IKZF4: variants seen among roughly 807,000 people sequenced by gnomAD.
IKZF4 encodes the protein zinc finger protein Eos.
Under a neutral mutation model 47.7 loss-of-function variants are expected in IKZF4, and 11 were observed. That is an observed-to-expected ratio of 0.23 (90% CI 0.15 to 0.38). IKZF4 has a LOEUF of 0.38. IKZF4 is among the 10% of genes least tolerant of loss of function. The pLI is 1.00. For missense variants in IKZF4, 557 were observed against 784.9 expected (o/e 0.71, Z 3.47); for synonymous variants, 298 against 299.4 (o/e 1.00, Z 0.05).
At chr12:56,016,424 C>CTTT (rs1316176573), upstream of IKZF4, among the ~76,000 whole-genome samples, 2 of 132,896 alleles carry the variant, frequency 1.5e-5, no homozygotes, top group South Asian at 2.5e-4. Flanking sequence ...TTTTTCTTTT[C>CTTT]TTTTTTTTTT....
chr12:56,022,231 A>G (rs1893134667), intron 1 of IKZF4, among the ~76,000 whole-genome samples: 2 of 152,164 alleles, frequency 1.3e-5, no homozygotes, highest in African/African-American at 4.8e-5. Context: ...AGTGGAGGCT[A>G]GCCTCCTTTA....
intron 5 of IKZF4, among the ~76,000 whole-genome samples, chr12:56,028,225 G>A (rs1894335111): frequency 1.3e-5 from 2 of 152,092 alleles, no homozygotes; most frequent in South Asian, 4.1e-4. Context: ...AATGTTCTTG[G>A]CTGTTAACGG....
Position 56,026,890 on chromosome 12 carries a change from G to A in IKZF4, c.396G>A (p.Leu132=), listed in dbSNP as rs772190946. 1.2e-6 allele frequency: 2 copies of A among 1,613,606 alleles called. No individual in the cohort carries two copies. The highest frequency in any genetic ancestry group is 1.7e-6 in the Non-Finnish European group (2 of 1,179,738). The change falls in exon 4 of 8, where the codon TTG becomes TTA. Residue 132 remains leucine (L), a synonymous_variant. Coordinates refer to ENST00000547167, the MANE Select transcript of IKZF4 (RefSeq NM_022465.4). ...KDDSVIVEDS[L]SEPLGYCDGS... ...ACAGCGTGATTGTGGAAGATTCATT[G>A]TCTGAGCCCCTGGGCTACTGTGATG...
chr12:56,034,619 A>C lies in IKZF4; in HGVS notation c.1046A>C (p.Asn349Thr), dbSNP rs188283751. 1.8e-4 allele frequency: 296 copies of C among 1,613,838 alleles called. 1 individual carries two copies. In the African/African-American group the frequency reaches 3.8e-3, roughly 21 times the overall value. Residue 349 changes from asparagine (N) to threonine (T), a missense_variant, in exon 8 of 8, where the codon AAC (asparagine) becomes ACC (threonine). Coordinates refer to ENST00000547167, the MANE Select transcript of IKZF4 (RefSeq NM_022465.4). ...FSLSDLPYDV[N>T]SGGYEKDVEL... ...CTCTCAGACCTCCCCTATGATGTGAACTCGGGTGGCTATGAAAAGGATGTG... is the reference window on the plus strand; with the variant it reads ...CTCTCAGACCTCCCCTATGATGTGACCTCGGGTGGCTATGAAAAGGATGTG...
Position 56,035,347 on chromosome 12 carries a change from T to C in IKZF4, c.*16T>C, listed in dbSNP as rs1418607625. On this transcript the variant is annotated 3_prime_UTR_variant, in exon 8 of 8. Transcript: ENST00000547167. The surrounding 1 kb of genome is among the most constrained non-coding windows in gnomAD (Gnocchi z 6.1). ...GGTGGGCTAGCAACCTCTCCCTCTC[T>C]CCTCAGTCCACCACTCCACTGCCCT... The C allele has an allele frequency of 1.9e-6, 3 of 1,593,616 alleles. No homozygotes were observed. In the South Asian group the frequency reaches 3.5e-5, roughly 18 times the overall value.
intron 1 of IKZF4, among the ~76,000 whole-genome samples, chr12:56,007,928 C>T (rs1890904354): frequency 6.6e-6 from 1 of 151,486 alleles, no homozygotes; most frequent in Non-Finnish European, 1.5e-5. Flanking sequence ...CCCGAGGCCC[C>T]AGTATTAAGA....
upstream of IKZF4, among the ~76,000 whole-genome samples, chr12:56,017,782 C>T (rs1409362670): frequency 6.6e-6 from 1 of 152,158 alleles, no homozygotes; most frequent in Non-Finnish European, 1.5e-5. Flanking sequence ...CCTCGACCTC[C>T]AGGCTCAAGT....
chr12:56,025,175 AC>A lies in IKZF4; in HGVS notation c.286+19del. 6.5e-7 allele frequency: 1 copy of A among 1,537,898 alleles called. No individual in the cohort carries two copies. The highest frequency in any genetic ancestry group is 2.4e-5 in the East Asian group (1 of 42,488). ...CACTCAGTGGTAAGTGTAACCTCCT[AC>A]CACCTCCTGGCAGTAGGCACCCCCT... On this transcript the variant is annotated intron_variant, in intron 3 of 7. Transcript: ENST00000547167.
At chr12:56,017,775 C>T (rs554179595), upstream of IKZF4, among the ~76,000 whole-genome samples, 3 of 152,272 alleles carry the variant, frequency 2.0e-5, no homozygotes, top group South Asian at 4.1e-4. Flanking sequence ...ACTGCAGCCT[C>T]GACCTCCAGG....
rs778322454 is a variant in IKZF4, at chr12:56,025,088, C to T, written c.216C>T (p.Leu72=). 1.7e-5 allele frequency: 28 copies of T among 1,600,422 alleles called. No homozygotes were observed. Among genetic ancestry groups the T allele is most frequent in the East Asian group, 2.3e-5 (1 of 44,334 alleles). Residue 72 remains leucine (L), a synonymous_variant, in exon 3 of 8, where the codon CTC becomes CTT. Coordinates refer to ENST00000547167, the MANE Select transcript of IKZF4 (RefSeq NM_022465.4). ...SGDSSLEKEF[L]GAPVGPSVST... is the part of the protein sequence containing the mutation. ...ACTCATCTCTGGAGAAGGAGTTCCT[C>T]GGGGCCCCAGTGGGGCCCTCGGTGA...
At chr12:56,011,540 C>T (rs571101002) in intron 2 of IKZF4, 3 of 152,296 alleles carry the variant, frequency 2.0e-5, no homozygotes, top group East Asian at 3.8e-4. Flanking sequence ...AGCTCTTACC[C>T]CTTTTTATTT....
At chr12:56,018,005 G>C (rs1193739826), upstream of IKZF4, 61 of 535,156 alleles carry the variant, frequency 1.1e-4, no homozygotes, top group Admixed American at 1.8e-3. Context: ...TCTTCTTTAG[G>C]ATAGTATCAG....
At chr12:56,009,796 T>G (rs549437029) in intron 1 of IKZF4, among the ~76,000 whole-genome samples, 1 of 152,300 alleles carries the variant, frequency 6.6e-6, no homozygotes, top group African/African-American at 2.4e-5. Context: ...GGCAATCCCC[T>G]TCCTCTGAGT....
At chr12:56,007,714 G>C (rs1260613787) in exon 1 of IKZF4, 1 of 152,074 alleles carries the variant, frequency 6.6e-6, no homozygotes, top group African/African-American at 2.4e-5. Context: ...CACAGCCTGC[G>C]CGCGCGCGGA....
upstream of IKZF4, chr12:56,007,586 C>T: frequency 6.4e-6 from 1 of 156,968 alleles, no homozygotes; most frequent in Non-Finnish European, 1.4e-5. Context: ...TCCGGCCCGG[C>T]GACTGCCGCC....
intron 5 of IKZF4, chr12:56,029,915 C>A (rs1894637211): frequency 6.6e-6 from 1 of 152,094 alleles, no homozygotes. Flanking sequence ...ATGGCTTGGC[C>A]CCTAGAATTC....
Position 56,035,474 on chromosome 12 carries a change from T to A in IKZF4, c.*143T>A. 1 of 726,842 alleles carries A rather than the reference T, an allele frequency of 1.4e-6. No homozygotes were observed. The allele number at this position is 726,842 out of a possible 1,614,324, so 45.0% of individuals were successfully genotyped here. ...CCTCACACCTGACCCTGACCCCTCC[T>A]CACCTATTCTCTTCCTCTATCCTGA... On this transcript the variant is annotated 3_prime_UTR_variant, in exon 8 of 8. Transcript: ENST00000547167. The surrounding 1 kb of genome is among the most constrained non-coding windows in gnomAD (Gnocchi z 6.1).
chr12:56,008,304 A>T (rs1265299138), intron 1 of IKZF4, among the ~76,000 whole-genome samples: 3 of 152,100 alleles, frequency 2.0e-5, no homozygotes, highest in Non-Finnish European at 4.4e-5. Context: ...AGGCTGGGAA[A>T]GAAGAGATTC....
chr12:56,018,197 T>C, upstream of IKZF4: 1 of 1,288,746 alleles, frequency 7.8e-7, no homozygotes, highest in Non-Finnish European at 1.0e-6. Flanking sequence ...CTGTGTGTTC[T>C]ATTTGTTAGG....
Sources: allele counts gnomAD v4.1 joint callset (sites outside exome capture counted in the v4.1 genomes callset), GRCh38; gene constraint gnomAD v4.1.1; non-coding constraint Gnocchi (gnomAD v3.1); transcripts MANE v1.5; gene names NCBI Gene and HGNC (gene_info 2026-07-23, HGNC 2026-07-21).